NFIC: variants seen among roughly 807,000 people sequenced by gnomAD.
The protein encoded by NFIC is nuclear factor I C.
NFIC carries 12 observed loss-of-function variants against 54.4 expected under a neutral mutation model. The ratio of observed to expected loss-of-function variants is 0.22; its 90% CI spans 0.14 to 0.36. The LOEUF (loss-of-function observed/expected upper bound fraction) is 0.36. Among genes scored for constraint, NFIC ranks in the 10% least tolerant of loss-of-function variants. The probability of loss-of-function intolerance (pLI) is 1.00; values close to 1 mark genes in which losing one functional copy is unlikely to be tolerated. For missense variants in NFIC, 575 were observed against 718.2 expected (o/e 0.80, Z 2.28); for synonymous variants, 322 against 319.2 (o/e 1.01, Z -0.09).
chr19:3,391,642 C>T (rs1030464337), intron 2 of NFIC, among the ~76,000 whole-genome samples: 1 of 151,936 alleles, frequency 6.6e-6, no homozygotes, highest in Non-Finnish European at 1.5e-5. Flanking sequence ...ACTAAAAATA[C>T]AAAAATTAGC....
intron 2 of NFIC, among the ~76,000 whole-genome samples, chr19:3,387,762 G>T (rs2081320400): frequency 1.3e-5 from 2 of 152,110 alleles, no homozygotes; most frequent in South Asian, 4.1e-4. Flanking sequence ...GTAGTGAGTG[G>T]CGAGGGCCGT....
intron 6 of NFIC, among the ~76,000 whole-genome samples, chr19:3,442,793 C>T (rs763789710): frequency 1.6e-4 from 24 of 152,314 alleles, no homozygotes; most frequent in Non-Finnish European, 2.9e-4. Flanking sequence ...GCTCTATGGC[C>T]TTAGGCGAGT....
chr19:3,441,969 A>G (rs1442376678), intron 6 of NFIC, among the ~76,000 whole-genome samples: 1 of 152,092 alleles, frequency 6.6e-6, no homozygotes, highest in African/African-American at 2.4e-5. Context: ...AGCTGATTAG[A>G]GCAGCTCTCC....
intron 2 of NFIC, among the ~76,000 whole-genome samples, chr19:3,387,571 G>C (rs956410034): frequency 6.6e-6 from 1 of 152,100 alleles, no homozygotes; most frequent in African/African-American, 2.4e-5. Context: ...GGGACATGGA[G>C]GGGGGCTGGG....
rs369854753 is a variant in NFIC at position 3,359,787 on chromosome 19, GC to G, written c.3+104del. 6.9e-3 allele frequency: 8,574 copies of G among 1,234,696 alleles called. 506 individuals carry two copies. The African/African-American group carries it at 0.12, about 18-fold the overall frequency. 76.5% of individuals were successfully genotyped at this position (1,234,696 alleles called of 1,614,324 possible). On this transcript the variant is annotated intron_variant, in intron 1 of 9. Transcript: ENST00000395111. ...AGATCTGGGGGGACAGGGGGCGGGG[GC>G]CGCCCGGAGGAGGGGCTCGAGGCGG...
At chr19:3,401,479 C>T (rs1163494069) in intron 2 of NFIC, among the ~76,000 whole-genome samples, 2 of 152,200 alleles carry the variant, frequency 1.3e-5, no homozygotes. Flanking sequence ...TATACCTTAT[C>T]TGAGGCTGGC....
At chr19:3,394,530 A>ACCCCCCCCCCCCC (rs1270123415) in intron 2 of NFIC, among the ~76,000 whole-genome samples, 3 of 36,598 alleles carry the variant, frequency 8.2e-5, no homozygotes, top group Non-Finnish European at 1.3e-4. Context: ...CCCACCCCCC[A>ACCCCCCCCCCCCC]CCCGCTTACA....
rs368331116 is a variant in NFIC, at chr19:3,456,625, A to G, written c.1499A>G (p.Tyr500Cys). The G allele has an allele frequency of 2.8e-5, 43 of 1,551,202 alleles. No homozygotes were observed. Among genetic ancestry groups the G allele is most frequent in the Non-Finnish European group, 3.4e-5 (39 of 1,146,710 alleles). Residue 500 changes from tyrosine to cysteine, a missense_variant, in exon 10 of 11, where the codon TAT becomes TGT. By Grantham distance (194) the Tyr-to-Cys change is radical (BLOSUM62 -2). Around this residue, in one of 3 missense-constraint regions of NFIC, gnomAD observed 447 missense variants for 526.9 expected, o/e 0.85. Transcript: ENST00000443272. ...GLGPRDPAGI[Y>C]QAQSWYLG ...GGACCAAGGGATCCTGCGGGCATTT[A>G]TCAGGCACAGGTAGGGGCCGAGAGG...
chr19:3,366,624 C>A lies in NFIC; in HGVS notation c.-13C>A, dbSNP rs1328898149. On this transcript the variant is annotated 5_prime_UTR_variant, in exon 1 of 11. Transcript: ENST00000443272. ...CCGCTCCGGCCGGCCCTGCGCCTCC[C>A]GCCGCGCCCGGGATGTATTCGTCCC... is the stretch of plus-strand genomic sequence containing the variant. 1 of 1,501,314 alleles carries A rather than the reference C, an allele frequency of 6.7e-7. No homozygotes were observed. The highest frequency in any genetic ancestry group is 8.8e-7 in the Non-Finnish European group (1 of 1,131,552). 93.0% of individuals were successfully genotyped at this position (1,501,314 alleles called of 1,614,324 possible).
In NFIC at chr19:3,393,064, C is replaced by T. The variant is rs578243308; in HGVS notation, c.562+10821C>T. On this transcript the variant is annotated intron_variant, in intron 2 of 10. Coordinates refer to ENST00000443272, the MANE Select transcript of NFIC (RefSeq NM_001245002.2). ...CAAGCAATTCTCCCGCCTCAGCCTC[C>T]CGAGTAGCTGGGATTACAGGTGCCC... Among the ~76,000 whole-genome samples, 3 of 152,292 alleles carry T rather than the reference C, an allele frequency of 2.0e-5. No individual in the cohort carries two copies. In the East Asian group the frequency reaches 5.8e-4, roughly 29 times the overall value.
At chr19:3,402,253 C>T (rs1270892290) in intron 2 of NFIC, among the ~76,000 whole-genome samples, 1 of 152,150 alleles carries the variant, frequency 6.6e-6, no homozygotes, top group African/African-American at 2.4e-5. Context: ...GTCATGTTGA[C>T]GACCAGGCAA....
chr19:3,366,433 G>A (rs1281456312), upstream of NFIC: 1 of 497,296 alleles, frequency 2.0e-6, no homozygotes, highest in Non-Finnish European at 3.5e-6. Flanking sequence ...GAGGGAGAGA[G>A]GGACAGAGAG....
chr19:3,436,309 ATTTTTTTTT>A (rs71166903), intron 6 of NFIC, among the ~76,000 whole-genome samples: 4 of 85,506 alleles, frequency 4.7e-5, no homozygotes, highest in Non-Finnish European at 7.3e-5. Flanking sequence ...TGCGCCGTTA[ATTTTTTTTT>A]TTTTTTTTTT....
chr19:3,455,101 A>G (rs886312582), intron 9 of NFIC, among the ~76,000 whole-genome samples: 6 of 152,228 alleles, frequency 3.9e-5, no homozygotes, highest in African/African-American at 1.4e-4. Flanking sequence ...TCAGGGAGGC[A>G]GAGAGGACAT....
intron 2 of NFIC, among the ~76,000 whole-genome samples, chr19:3,412,366 C>T (rs970741083): frequency 6.6e-6 from 1 of 152,166 alleles, no homozygotes; most frequent in Admixed American, 6.6e-5. Context: ...CCACCTCAGC[C>T]TCCCAAGTAG....
chr19:3,463,397 G>T lies in NFIC; in HGVS notation c.*628G>T. 2.0e-6 allele frequency: 2 copies of T among 985,684 alleles called. No homozygotes were observed. The highest frequency in any genetic ancestry group is 1.2e-6 in the Non-Finnish European group (1 of 830,154). The allele number at this position is 985,684 out of a possible 1,614,324, so 61.1% of individuals were successfully genotyped here. A position where few individuals can be genotyped will look rare whatever the true frequency, so the allele number is the denominator to read the frequency against. On this transcript the variant is annotated 3_prime_UTR_variant, in exon 11 of 11. Coordinates refer to ENST00000443272, the MANE Select transcript of NFIC (RefSeq NM_001245002.2). Reference sequence around the variant, plus strand: ...GGAGACCGCAGAGGCGGGCAGGGTGGGGCAGGCGAGTGGTGTCGCGGGGGT... The same window carrying T: ...GGAGACCGCAGAGGCGGGCAGGGTGTGGCAGGCGAGTGGTGTCGCGGGGGT...
In NFIC at chr19:3,371,923, CCTTCCTTCCTTCCT is replaced by C. The variant is rs1599558942; in HGVS notation, c.30+5258_30+5271del. Among the ~76,000 whole-genome samples the C allele has an allele frequency of 6.0e-5, 8 of 134,230 alleles. No individual in the cohort carries two copies. The South Asian group carries it at 1.3e-3, about 23-fold the overall frequency. 88.1% of individuals were successfully genotyped at this position (134,230 alleles called of 152,430 possible). ...TCCTTCCTTCCTTCCTTCCTTCCTT[CCTTCCTTCCTTCCT>C]TCCCTCCCTCCCTCCCTCCTTCCTT... On this transcript the variant is annotated intron_variant, in intron 1 of 10. Transcript: ENST00000443272.
At chr19:3,374,790 A>C (rs547929199) in intron 1 of NFIC, among the ~76,000 whole-genome samples, 9 of 152,252 alleles carry the variant, frequency 5.9e-5, no homozygotes, top group Non-Finnish European at 1.2e-4. Context: ...TGGTTATTGC[A>C]GGTCATGTGG....
At chr19:3,424,826 C>T (rs952025528) in intron 2 of NFIC, among the ~76,000 whole-genome samples, 1 of 152,242 alleles carries the variant, frequency 6.6e-6, no homozygotes, top group Non-Finnish European at 1.5e-5. Context: ...TGAGCCGCCC[C>T]TGCAGAAGCG....
Sources: gnomAD v4.1 joint callset for allele counts (sites outside exome capture counted in the v4.1 genomes callset) on GRCh38, gnomAD v4.1.1 for gene constraint, gnomAD v4.1.1 regional missense constraint, MANE v1.5 for transcripts, NCBI Gene and HGNC (gene_info 2026-07-23, HGNC 2026-07-21) for gene names.